GGA1: variants seen among roughly 807,000 people sequenced by gnomAD.
GGA1 encodes the protein ADP-ribosylation factor-binding protein GGA1.
A neutral mutation model predicts 76.9 loss-of-function variants in GGA1; 18 were observed. The observed-to-expected ratio is 0.23, with a 90% CI of 0.16 to 0.35. GGA1 has a LOEUF of 0.35. Ranked by LOEUF, GGA1 falls within the 10% of genes least tolerant of loss-of-function variation. The probability of loss-of-function intolerance (pLI) is 1.00; values close to 1 mark genes in which losing one functional copy is unlikely to be tolerated. For synonymous variants in GGA1, 342 were observed against 354.7 expected (o/e 0.96, Z 0.40); for missense variants, 755 against 859.0 (o/e 0.88, Z 1.51).
chr22:37,631,130 G>A, intron 14 of GGA1, 31 bp downstream of exon 14: 2 of 1,486,892 alleles, frequency 1.3e-6, no homozygotes, highest in Middle Eastern at 2.0e-4. Context: ...TGCAGGCTGG[G>A]TTGGGTCAGC....
rs780948256 is a variant in GGA1 at position 37,625,852 on chromosome 22, C to T, written c.996C>T (p.Thr332=). ...LSGLDLPPAG[T]TYPAMPTRPG... Reference sequence around the variant, plus strand: ...GCCTGGATCTCCCGCCTGCGGGCACCACCTACCCAGCTATGCCCACCCGCC... The same window carrying T: ...GCCTGGATCTCCCGCCTGCGGGCACTACCTACCCAGCTATGCCCACCCGCC... The change falls in exon 11 of 17, where the codon ACC becomes ACT. Residue 332 remains threonine (T), a synonymous_variant. Transcript: ENST00000343632. This position sits in a 1 kb window ranked among gnomAD's most constrained non-coding sequence, Gnocchi z 4.1. The T allele has an allele frequency of 5.0e-6, 8 of 1,611,914 alleles. No homozygotes were observed. The Admixed American group carries it at 1.3e-4, about 27-fold the overall frequency.
rs1172058648 is a variant in GGA1, at chr22:37,623,418, G to T, written c.701G>T (p.Ser234Ile). The stretch of plus-strand genomic sequence containing the variant: ...AAACTGCTCACGGAGATGGTGATGA[G>T]CCACAGCCAGGGCGGCGCAGCAGCT... Reference protein sequence around the residue: ...NVKLLTEMVMSHSQGGAAAGS... With the variant: ...NVKLLTEMVMIHSQGGAAAGS... The change falls in exon 8 of 17, where the codon AGC (serine) becomes ATC (isoleucine). Residue 234 changes from serine (S) to isoleucine (I), a missense_variant. Transcript: ENST00000343632. The surrounding 1 kb of genome is among the most constrained non-coding windows in gnomAD (Gnocchi z 4.6). 1 of 1,614,118 alleles carries T rather than the reference G, an allele frequency of 6.2e-7. No homozygotes were observed. Among genetic ancestry groups the T allele is most frequent in the Non-Finnish European group, 8.5e-7 (1 of 1,179,988 alleles).
chr22:37,614,171 C>G lies in GGA1; in HGVS notation c.44-19C>G, dbSNP rs1928303078. The G allele has an allele frequency of 6.3e-7, 1 of 1,579,384 alleles. No individual in the cohort carries two copies. Among genetic ancestry groups the G allele is most frequent in the Non-Finnish European group, 8.7e-7 (1 of 1,148,822 alleles). On this transcript the variant is annotated intron_variant, in intron 1 of 16. Coordinates refer to ENST00000343632, the MANE Select transcript of GGA1 (RefSeq NM_013365.5). Reference sequence around the variant, plus strand: ...AATCCCACTGCCGGGCCACAATGACCCCAGCTCTCCTCTTCCAGATAGAGC... The same window carrying G: ...AATCCCACTGCCGGGCCACAATGACGCCAGCTCTCCTCTTCCAGATAGAGC...
At chr22:37,617,585 G>A in intron 3 of GGA1, 1 of 957,998 alleles carries the variant, frequency 1.0e-6, no homozygotes, top group Non-Finnish European at 1.2e-6. Flanking sequence ...TGTAATTTCA[G>A]CACTTGGGGA....
intron 1 of GGA1, chr22:37,613,184 G>T: frequency 1.0e-6 from 1 of 984,190 alleles, no homozygotes; most frequent in Non-Finnish European, 1.2e-6. Context: ...TCTGAACCTG[G>T]TGTGATGGTA....
At chr22:37,626,223 A>T (rs1009406601) in intron 11 of GGA1, 1 of 335,308 alleles carries the variant, frequency 3.0e-6, no homozygotes, top group Admixed American at 4.8e-5. Flanking sequence ...CCTGGGGGGA[A>T]ACCAGGGGAT....
chr22:37,609,112 GC>G, intron 1 of GGA1: 1 of 1,484,566 alleles, frequency 6.7e-7, no homozygotes, highest in Non-Finnish European at 9.0e-7. Flanking sequence ...AGCGGGCGCC[GC>G]CCACCTGTCG....
intron 1 of GGA1, chr22:37,613,927 G>A (rs1301148792): frequency 2.2e-6 from 1 of 459,792 alleles, no homozygotes; most frequent in Non-Finnish European, 4.0e-6. Context: ...CCAGCTGCAG[G>A]GGTGGGAGGA....
At chr22:37,611,211 G>A (rs1927504756) in intron 1 of GGA1, among the ~76,000 whole-genome samples, 1 of 152,076 alleles carries the variant, frequency 6.6e-6, no homozygotes, top group African/African-American at 2.4e-5. Context: ...GGTCAACAGG[G>A]GCTTCATTTT....
intron 13 of GGA1, 135 bp downstream of exon 13, chr22:37,630,305 G>A: frequency 1.6e-6 from 1 of 632,398 alleles, no homozygotes; most frequent in Non-Finnish European, 2.6e-6. Flanking sequence ...CAGATGCCAA[G>A]CAGTGCACCT....
At chr22:37,621,204 A>C (rs1929831280) in intron 6 of GGA1, among the ~76,000 whole-genome samples, 2 of 152,216 alleles carry the variant, frequency 1.3e-5, no homozygotes, top group Admixed American at 6.5e-5. Flanking sequence ...AAAGTTAATA[A>C]AATTAAAACT....
At chr22:37,616,562 A>C (rs1010843337) in intron 2 of GGA1, among the ~76,000 whole-genome samples, 1 of 152,140 alleles carries the variant, frequency 6.6e-6, no homozygotes, top group African/African-American at 2.4e-5. Context: ...CCCGTCTCTC[A>C]TGGCATATTG....
rs1929749854 is a variant in GGA1 at position 37,620,857 on chromosome 22, C to A, written c.472C>A (p.Pro158Thr). 6.2e-7 allele frequency: 1 copy of A among 1,612,716 alleles called. No individual in the cohort carries two copies. Among genetic ancestry groups the A allele is most frequent in the African/African-American group, 1.3e-5 (1 of 74,902 alleles). Reference sequence around the variant, plus strand: ...CAAGCTTCCAGATGACACTACCTTTCCCCTTCCTCCTCCACGGCCGAAGAA... The same window carrying A: ...CAAGCTTCCAGATGACACTACCTTTACCCTTCCTCCTCCACGGCCGAAGAA... ...DPKLPDDTTF[P>T]LPPPRPKNVI... Residue 158 changes from proline to threonine, a missense_variant, in exon 6 of 17, where the codon CCC (proline) becomes ACC (threonine). Transcript: ENST00000343632.
chr22:37,619,379 A>ATT (rs1318301803), intron 4 of GGA1, among the ~76,000 whole-genome samples: 9 of 108,044 alleles, frequency 8.3e-5, no homozygotes, highest in East Asian at 2.7e-4. Context: ...TACCGTGAAC[A>ATT]TTTTTTTTTT....
At chr22:37,613,648 C>T (rs1928181029) in intron 1 of GGA1, among the ~76,000 whole-genome samples, 1 of 151,966 alleles carries the variant, frequency 6.6e-6, no homozygotes. Flanking sequence ...ATCCACCCAC[C>T]TCAGCCTCCC....
At chr22:37,620,140 CG>C in intron 4 of GGA1, 97 bp from the exon 5 acceptor site, 1 of 1,403,742 alleles carries the variant, frequency 7.1e-7, no homozygotes, top group South Asian at 1.2e-5. Flanking sequence ...GAGGGCTTCC[CG>C]GGGAGTCCTG....
In GGA1 at chr22:37,625,848, G is replaced by A; in HGVS notation, c.992G>A (p.Gly331Asp). ...TCAGGCCTGGATCTCCCGCCTGCGG[G>A]CACCACCTACCCAGCTATGCCCACC... ...DLSGLDLPPA[G>D]TTYPAMPTRP... is the part of the protein sequence containing the mutation. Residue 331 changes from glycine to aspartate, a missense_variant, in exon 11 of 17, where the codon GGC becomes GAC. Coordinates refer to ENST00000343632, the MANE Select transcript of GGA1 (RefSeq NM_013365.5). The surrounding 1 kb of genome is among the most constrained non-coding windows in gnomAD (Gnocchi z 4.1). 6.2e-7 allele frequency: 1 copy of A among 1,611,330 alleles called. No homozygotes were observed. The highest frequency in any genetic ancestry group is 2.2e-5 in the East Asian group (1 of 44,814).
At position 37,614,172 on chromosome 22, in the gene GGA1, C is replaced by G; in HGVS notation, c.44-18C>G. 2 of 1,581,216 alleles carry G rather than the reference C, an allele frequency of 1.3e-6. No individual in the cohort carries two copies. Among genetic ancestry groups the G allele is most frequent in the Non-Finnish European group, 1.7e-6 (2 of 1,150,416 alleles). On this transcript the variant is annotated intron_variant, in intron 1 of 16. Transcript: ENST00000343632. Reference sequence around the variant, plus strand: ...ATCCCACTGCCGGGCCACAATGACCCCAGCTCTCCTCTTCCAGATAGAGCC... The same window carrying G: ...ATCCCACTGCCGGGCCACAATGACCGCAGCTCTCCTCTTCCAGATAGAGCC...
intron 1 of GGA1, chr22:37,612,955 C>T: frequency 2.0e-6 from 2 of 985,144 alleles, no homozygotes; most frequent in Non-Finnish European, 1.2e-6. Context: ...CTATCCATTT[C>T]TGGATTCAGT....
Sources: allele counts gnomAD v4.1 joint callset (sites outside exome capture counted in the v4.1 genomes callset), GRCh38; gene constraint gnomAD v4.1.1; non-coding constraint Gnocchi (gnomAD v3.1); transcripts MANE v1.5; gene names NCBI Gene and HGNC (gene_info 2026-07-23, HGNC 2026-07-21).